Variants in MEGF6 observed in about 807,000 individuals in gnomAD.
The protein encoded by MEGF6 is multiple EGF like domains 6, also known as multiple epidermal growth factor-like domains protein 6.
A neutral mutation model predicts 207.1 loss-of-function variants in MEGF6; 184 were observed. That is an observed-to-expected ratio of 0.89 (90% CI 0.79 to 1.00). The LOEUF is 1.00. Among genes scored for constraint, MEGF6 ranks in the 50% least tolerant of loss-of-function variants. The pLI is 0.00. For synonymous variants in MEGF6, 1,038 were observed against 910.0 expected, an observed-to-expected ratio of 1.14 and a Z score of -2.53; for missense variants, 2,282 against 2,202.9, an observed-to-expected ratio of 1.04 and a Z score of -0.72.
In MEGF6 at chr1:3,505,329, G is replaced by A; in HGVS notation, c.2067C>T (p.Gly689=). 6.2e-7 allele frequency: 1 copy of A among 1,611,150 alleles called. No homozygotes were observed. Among genetic ancestry groups the A allele is most frequent in the Non-Finnish European group, 8.5e-7 (1 of 1,179,350 alleles). Residue 689 remains glycine, a synonymous_variant, in exon 17 of 37, where the codon GGC becomes GGT. Transcript: ENST00000356575. The stretch of plus-strand genomic sequence containing the variant: ...CCTGCCAGCACCCCGGCCCAAAGTA[G>A]CCCAGCTCACACTCTGCAGGGCGTG... ...GERCQAECEL[G]YFGPGCWQAC...
chr1:3,578,540 G>T (rs535476809), intron 4 of MEGF6, among the ~76,000 whole-genome samples: 35 of 152,208 alleles, frequency 2.3e-4, no homozygotes, highest in East Asian at 9.7e-4. Context: ...GGGCCCTGGG[G>T]GGGGGGGGCC....
At position 3,494,651 on chromosome 1, in the gene MEGF6, G is replaced by C; in HGVS notation, c.3962C>G (p.Ser1321Cys). The C allele has an allele frequency of 6.4e-7, 1 of 1,565,170 alleles. No homozygotes were observed. The highest frequency in any genetic ancestry group is 8.6e-7 in the Non-Finnish European group (1 of 1,156,380). The stretch of plus-strand genomic sequence containing the variant: ...CCGCCCCGTCCAGCCCAGGCCACAG[G>C]AGCAGCTGCCGTTGCTGGCGTGGCA... The part of the protein sequence containing the change: ...GLCHASNGSC[S>C]CGLGWTGRHC... The change falls in exon 31 of 37, where the codon TCC (serine) becomes TGC (cysteine). Residue 1321 changes from serine to cysteine, a missense_variant. Ser to Cys is a moderately radical substitution (Grantham distance 112). Transcript: ENST00000356575.
chr1:3,582,602 C>G (rs1353950857), intron 3 of MEGF6, among the ~76,000 whole-genome samples: 2 of 152,148 alleles, frequency 1.3e-5, no homozygotes, highest in Non-Finnish European at 2.9e-5. Context: ...TCTTGGTTCC[C>G]CGGTTGCAAA....
chr1:3,583,185 C>T (rs978662612), intron 3 of MEGF6, among the ~76,000 whole-genome samples: 6 of 152,316 alleles, frequency 3.9e-5, no homozygotes, highest in East Asian at 1.9e-4. Flanking sequence ...CGCAAAGCTG[C>T]GCTCCAAACC....
At chr1:3,607,373 C>T (rs1466536276) in intron 1 of MEGF6, among the ~76,000 whole-genome samples, 1 of 152,214 alleles carries the variant, frequency 6.6e-6, no homozygotes, top group Non-Finnish European at 1.5e-5. Flanking sequence ...TTGCCCTGCC[C>T]AGCCAGGCTG....
chr1:3,494,825 C>T (rs1228751643), intron 30 of MEGF6, 84 bp from the exon 31 acceptor site: 2 of 1,453,862 alleles, frequency 1.4e-6, no homozygotes, highest in East Asian at 2.5e-5. Context: ...GGCTGACAGT[C>T]ACTCGGTAAA....
chr1:3,573,475 C>T lies in MEGF6; in HGVS notation c.481+6350G>A, dbSNP rs1220248425. Among the ~76,000 whole-genome samples, 4 of 152,186 alleles carry T rather than the reference C, an allele frequency of 2.6e-5. No individual in the cohort carries two copies. The highest frequency in any genetic ancestry group is 3.9e-4 in the East Asian group (2 of 5,194). On this transcript the variant is annotated intron_variant, in intron 4 of 36. Transcript: ENST00000356575. The surrounding 1 kb of genome is among the most constrained non-coding windows in gnomAD (Gnocchi z 5.1). ...GCCCAGGACCAGGGTCAGGTTAACC[C>T]GAGGCCACGTCCACAGGACAAAGCT... is the stretch of plus-strand genomic sequence containing the variant.
intron 4 of MEGF6, among the ~76,000 whole-genome samples, chr1:3,548,279 C>T (rs965013029): frequency 1.3e-5 from 2 of 152,236 alleles, no homozygotes; most frequent in African/African-American, 4.8e-5. Context: ...CTCCCCAGTG[C>T]CGGGGGCATT....
chr1:3,530,430 C>A (rs905589642), intron 4 of MEGF6, among the ~76,000 whole-genome samples: 2 of 152,188 alleles, frequency 1.3e-5, no homozygotes, highest in African/African-American at 2.4e-5. Flanking sequence ...TCCTCCAATT[C>A]CACCCCCTCC....
intron 2 of MEGF6, among the ~76,000 whole-genome samples, chr1:3,601,172 C>T (rs1644151673): frequency 3.9e-5 from 6 of 152,240 alleles, no homozygotes. Context: ...ATCATGCCCC[C>T]ATAGCGAGGG....
intron 4 of MEGF6, among the ~76,000 whole-genome samples, chr1:3,538,432 C>G (rs2101476093): frequency 6.6e-6 from 1 of 152,374 alleles, no homozygotes; most frequent in South Asian, 2.1e-4. Flanking sequence ...ACTCCTCGCC[C>G]AAGCCAAAGG....
chr1:3,509,573 G>GTCT (rs1641254395), intron 11 of MEGF6, among the ~76,000 whole-genome samples: 1 of 152,198 alleles, frequency 6.6e-6, no homozygotes, highest in Non-Finnish European at 1.5e-5. Flanking sequence ...ATCACCTTAG[G>GTCT]TCTTGGTCCC....
chr1:3,598,059 C>G (rs1040523523), intron 2 of MEGF6, among the ~76,000 whole-genome samples: 3 of 152,224 alleles, frequency 2.0e-5, no homozygotes, highest in African/African-American at 7.2e-5. Flanking sequence ...GCGCCCGCCC[C>G]GGGCCTGCCC....
At chr1:3,505,582 GGCTCCCGTCTGAA>G in intron 15 of MEGF6, 26 bp from the exon 16 acceptor site, 1 of 1,531,336 alleles carries the variant, frequency 6.5e-7, no homozygotes, top group Non-Finnish European at 8.7e-7. Flanking sequence ...CGTTGAGGGG[GGCTCCCGTCTGAA>G]GCCCCACCCT....
At chr1:3,621,257 A>G in the MEGF6 span, among the ~76,000 whole-genome samples, 2 of 152,176 alleles carry the variant, frequency 1.3e-5, no homozygotes, top group African/African-American at 2.4e-5. Flanking sequence ...TTCCCTTGGC[A>G]CTGACGCTGC....
rs1185455713 is a variant in MEGF6, at chr1:3,497,267, A to G, written c.3447T>C (p.Cys1149=). 7.9e-6 allele frequency: 12 copies of G among 1,517,658 alleles called. No homozygotes were observed. The South Asian group carries it at 9.0e-5, about 11-fold the overall frequency. The allele number at this position is 1,517,658 out of a possible 1,614,324, so 94.0% of individuals were successfully genotyped here. The change falls in exon 27 of 37, where the codon TGT becomes TGC. Residue 1149 remains cysteine, a synonymous_variant. Transcript: ENST00000356575. The part of the protein sequence containing the change: ...ACHHVTGACR[C]PPGFTGSGCE... The stretch of plus-strand genomic sequence containing the variant: ...AGCCGGAGCCAGTGAAGCCAGGGGG[A>G]CAGCGGCAGGCCCCAGTGACGTGGT...
intron 5 of MEGF6, among the ~76,000 whole-genome samples, chr1:3,521,615 C>T (rs2794366): frequency 0.12 from 17,636 of 152,180 alleles, 1,382 homozygotes; most frequent in South Asian, 0.23. Context: ...GGGAGGTGGC[C>T]CCCAGGGGAC....
Position 3,495,962 on chromosome 1 carries a change from C to G in MEGF6, c.3799G>C (p.Gly1267Arg). 2 of 1,582,236 alleles carry G rather than the reference C, an allele frequency of 1.3e-6. No individual in the cohort carries two copies. Among genetic ancestry groups the G allele is most frequent in the Non-Finnish European group, 1.7e-6 (2 of 1,171,638 alleles). ...CCGGTCACAGGGTCGCAGGCCGCCC[C>G]CTGCCCACACCCACACACGTGGGTG... ...NCTHVCGCGQ[G>R]AACDPVTGTC... Residue 1267 changes from glycine (G) to arginine (R), a missense_variant, in exon 30 of 37, where the codon GGG becomes CGG. Transcript: ENST00000356575.
rs543994766 is a variant in MEGF6 at position 3,567,077 on chromosome 1, C to T, written c.481+12748G>A. Among the ~76,000 whole-genome samples, 4 of 152,374 alleles carry T rather than the reference C, an allele frequency of 2.6e-5. No homozygotes were observed. The South Asian group carries it at 8.3e-4, about 32-fold the overall frequency. On this transcript the variant is annotated intron_variant, in intron 4 of 36. Coordinates refer to ENST00000356575, the MANE Select transcript of MEGF6 (RefSeq NM_001409.4). ...CGGCAGGTGCACTTGGGGCCTGCTG[C>T]TGCCCTGTGGTGGCCAGAAGGGCCC... is the stretch of plus-strand genomic sequence containing the variant.
Sources: gnomAD v4.1 joint callset for allele counts (sites outside exome capture counted in the v4.1 genomes callset) on GRCh38, gnomAD v4.1.1 for gene constraint, Gnocchi (gnomAD v3.1) non-coding constraint, MANE v1.5 for transcripts, NCBI Gene and HGNC (gene_info 2026-07-23, HGNC 2026-07-21) for gene names.